Variants in TRNT1 observed in about 807,000 individuals in gnomAD.
The protein encoded by TRNT1 is tRNA nucleotidyl transferase 1.
In TRNT1, 44 loss-of-function variants were observed where a neutral mutation model predicts 45.6. The observed-to-expected ratio is 0.97, with a 90% confidence interval of 0.76 to 1.24. TRNT1 has a LOEUF of 1.24. Ranked by LOEUF, TRNT1 falls within the 50% of genes most tolerant of loss-of-function variation. The pLI, the probability that TRNT1 is intolerant of heterozygous loss-of-function variation, is 0.00. For synonymous variants in TRNT1, 201 were observed against 171.4 expected, an observed-to-expected ratio of 1.17 and a Z score of -1.35; for missense variants, 633 against 504.4, an observed-to-expected ratio of 1.25 and a Z score of -2.44.
In TRNT1 at chr3:3,140,667, ACCATATTGTGAGTCTATCAGAATG is replaced by A; in HGVS notation, c.481+22_481+45del. 1.2e-6 allele frequency: 2 copies of A among 1,612,108 alleles called. No homozygotes were observed. The highest frequency in any genetic ancestry group is 1.7e-6 in the Non-Finnish European group (2 of 1,178,874). Reference sequence around the variant, plus strand: ...TTTTTAGGTAATATTTGCAGATAAAACCATATTGTGAGTCTATCAGAATGCCTTCTTTTCAAGTAAAACCTACAT... The same window carrying A: ...TTTTTAGGTAATATTTGCAGATAAAACCTTCTTTTCAAGTAAAACCTACAT... On this transcript the variant is annotated intron_variant, in intron 4 of 7. Transcript: ENST00000251607.
intron 1 of TRNT1, among the ~76,000 whole-genome samples, chr3:3,128,745 T>C (rs1704777982): frequency 6.7e-6 from 1 of 149,890 alleles, no homozygotes; most frequent in Admixed American, 6.7e-5. Context: ...GCTTTTAATA[T>C]GTAACTCAAC....
In TRNT1 at chr3:3,148,231, G is replaced by C; in HGVS notation, c.*77G>C. 1 of 1,492,354 alleles carries C rather than the reference G, an allele frequency of 6.7e-7. No homozygotes were observed. The highest frequency in any genetic ancestry group is 2.3e-5 in the East Asian group (1 of 43,962). 92.4% of individuals were successfully genotyped at this position (1,492,354 alleles called of 1,614,324 possible). The stretch of plus-strand genomic sequence containing the variant: ...CCCTCCCTCTTAATGAGGTTTTAGA[G>C]ACTACACCAGAATAAAAGACAGTTT... On this transcript the variant is annotated 3_prime_UTR_variant, in exon 8 of 8. Coordinates refer to ENST00000251607, the MANE Select transcript of TRNT1 (RefSeq NM_182916.3).
At chr3:3,147,760 A>G in intron 7 of TRNT1, 57 bp downstream of exon 7, 2 of 1,537,908 alleles carry the variant, frequency 1.3e-6, no homozygotes, top group Non-Finnish European at 8.7e-7. Context: ...ATTTAGAATT[A>G]ATTTATTAAA....
rs1705460918 is a variant in TRNT1, at chr3:3,138,564, T to C, written c.342+1111T>C. Among the ~76,000 whole-genome samples, 3 of 152,104 alleles carry C rather than the reference T, an allele frequency of 2.0e-5. No homozygotes were observed. The South Asian group carries it at 6.2e-4, about 31-fold the overall frequency. Reference sequence around the variant, plus strand: ...TCCCTTTTGTTAAATGCTTTTTCCTTTGGAAACTCTTATTATTTGGATCCT... The same window carrying C: ...TCCCTTTTGTTAAATGCTTTTTCCTCTGGAAACTCTTATTATTTGGATCCT... On this transcript the variant is annotated intron_variant, in intron 3 of 7. Transcript: ENST00000251607.
intron 2 of TRNT1, chr3:3,136,935 G>A (rs1705365311): frequency 3.6e-6 from 1 of 275,198 alleles, no homozygotes; most frequent in Non-Finnish European, 7.1e-6. Context: ...ACAGATGTGA[G>A]CCACTGCGCC....
chr3:3,146,782 G>C (rs778328983), intron 6 of TRNT1, among the ~76,000 whole-genome samples, 159 bp downstream of exon 6: 3 of 152,146 alleles, frequency 2.0e-5, no homozygotes, highest in Admixed American at 1.3e-4. Flanking sequence ...AAGTTTTGTC[G>C]TGAGTAGGGA....
chr3:3,135,860 G>C (rs1705296564), intron 2 of TRNT1, among the ~76,000 whole-genome samples: 1 of 152,336 alleles, frequency 6.6e-6, no homozygotes, highest in South Asian at 2.1e-4. Flanking sequence ...CATGCTGAGT[G>C]AGGAGTAGCA....
intron 2 of TRNT1, among the ~76,000 whole-genome samples, chr3:3,136,126 T>C (rs1448542434): frequency 1.3e-5 from 2 of 152,190 alleles, no homozygotes; most frequent in African/African-American, 4.8e-5. Context: ...TATTGTAGGG[T>C]GTATCATGGA....
Position 3,129,085 on chromosome 3 carries a change from T to C in TRNT1, c.45T>C (p.Arg15=), listed in dbSNP as rs759180902. 1.1e-5 allele frequency: 18 copies of C among 1,613,802 alleles called. No homozygotes were observed. The highest frequency in any genetic ancestry group is 1.5e-5 in the Non-Finnish European group (18 of 1,179,804). Residue 15 remains arginine (R), a synonymous_variant, in exon 2 of 8, where the codon CGT becomes CGC. Transcript: ENST00000251607. ...LYHWHRPVLN[R]RWSRLCLPKQ... ...ATTGGCACAGGCCAGTGCTGAACCG[T>C]AGGTGGAGTAGGCTGTGCCTTCCGA...
intron 2 of TRNT1, chr3:3,136,590 C>T: frequency 2.4e-6 from 1 of 419,386 alleles, no homozygotes; most frequent in Non-Finnish European, 4.7e-6. Context: ...AACATGTTAC[C>T]ATTTCTAAAG....
chr3:3,145,375 C>T (rs181566846), intron 5 of TRNT1: 4,288 of 152,082 alleles, frequency 0.028, 91 homozygotes, highest in Non-Finnish European at 0.039. Context: ...TGGCGGTGTG[C>T]GCCTGTAGTC....
intron 4 of TRNT1, among the ~76,000 whole-genome samples, chr3:3,143,137 C>T (rs1443903962): frequency 2.0e-5 from 3 of 152,114 alleles, no homozygotes; most frequent in Non-Finnish European, 2.9e-5. Context: ...ACTGACCTCC[C>T]CATTTGGTGA....
chr3:3,150,449 G>T (rs1481107335), downstream of TRNT1: 3 of 180,146 alleles, frequency 1.7e-5, no homozygotes, highest in Non-Finnish European at 3.5e-5. Flanking sequence ...TAGAGCACTG[G>T]TACAGATACG....
At position 3,148,852 on chromosome 3, in the gene TRNT1, A is replaced by AAAT. The variant is rs1706253176; in HGVS notation, c.*700_*702dup. On this transcript the variant is annotated 3_prime_UTR_variant, in exon 8 of 8. Transcript: ENST00000251607. ...AAAACAAACATTGGTATTGGAAGAT[A>AAAT]AATATGTTTATGTGGTATCTGACAA... is the stretch of plus-strand genomic sequence containing the variant. 6.6e-6 allele frequency: 1 copy of AAAT among 152,176 alleles called. No individual in the cohort carries two copies. The highest frequency in any genetic ancestry group is 1.5e-5 in the Non-Finnish European group (1 of 68,014). The allele number at this position is 152,176 out of a possible 1,614,324, so 9.4% of individuals were successfully genotyped here.
At chr3:3,137,211 A>T in intron 2 of TRNT1, 49 bp from the exon 3 acceptor site, 5 of 1,471,002 alleles carry the variant, frequency 3.4e-6, no homozygotes, top group Non-Finnish European at 4.6e-6. Context: ...AAATAAACAC[A>T]TTGAAATAAA....
intron 2 of TRNT1, chr3:3,129,594 A>G (rs942488267): frequency 2.9e-5 from 14 of 481,278 alleles, no homozygotes; most frequent in Non-Finnish European, 5.3e-5. Context: ...AAAAAGAGAA[A>G]GGAATATTAA....
chr3:3,143,180 C>A (rs1465783925), intron 4 of TRNT1, among the ~76,000 whole-genome samples: 1 of 152,066 alleles, frequency 6.6e-6, no homozygotes, highest in Admixed American at 6.5e-5. Flanking sequence ...GCTCTAAATT[C>A]CTTTTTCTAT....
downstream of TRNT1, chr3:3,149,153 A>G (rs142821829): frequency 3.3e-5 from 5 of 152,244 alleles, no homozygotes; most frequent in Admixed American, 2.0e-4. Flanking sequence ...TGATAAAACA[A>G]TTTTGTAGAG....
At chr3:3,151,552 C>CA (rs1706553153), downstream of TRNT1, among the ~76,000 whole-genome samples, 1 of 152,026 alleles carries the variant, frequency 6.6e-6, no homozygotes, top group East Asian at 1.9e-4. Context: ...AAATACAAAC[C>CA]ATGGTATTTT....
Sources: allele counts gnomAD v4.1 joint callset (sites outside exome capture counted in the v4.1 genomes callset), GRCh38; gene constraint gnomAD v4.1.1; transcripts MANE v1.5; gene names NCBI Gene and HGNC (gene_info 2026-07-23, HGNC 2026-07-21).